The following PTPRT variants were observed in gnomAD, a reference collection of about 807,000 sequenced individuals.
PTPRT encodes receptor-type tyrosine-protein phosphatase T.
A neutral mutation model predicts 176.8 loss-of-function variants in PTPRT; 56 were observed. That is an observed-to-expected ratio of 0.32 (90% CI 0.26 to 0.40). The LOEUF (loss-of-function observed/expected upper bound fraction) is 0.40. PTPRT is among the 10% of genes least tolerant of loss of function. The pLI, the probability that PTPRT is intolerant of heterozygous loss-of-function variation, is 1.00. For synonymous variants in PTPRT, 783 were observed against 739.0 expected, an observed-to-expected ratio of 1.06 and a Z score of -0.96; for missense variants, 1,540 against 1,908.2, an observed-to-expected ratio of 0.81 and a Z score of 3.60.
In PTPRT at chr20:42,349,311, C is replaced by T. The variant is rs113821730; in HGVS notation, c.1865+1317G>A. ...TAAAGCAACAACCGCCCTGGTTGCT[C>T]CCTGTTATAGCATGCTGTCTCTCTC... On this transcript the variant is annotated intron_variant, in intron 11 of 30. Transcript: ENST00000373187. Among the ~76,000 whole-genome samples, 1,136 of 152,272 alleles carry T rather than the reference C, an allele frequency of 7.5e-3. 6 individuals are homozygous for T. Among genetic ancestry groups the T allele is most frequent in the African/African-American group, 0.025 (1,046 of 41,540 alleles).
intron 1 of PTPRT, among the ~76,000 whole-genome samples, chr20:42,986,456 C>T (rs778102277): frequency 6.6e-5 from 10 of 152,126 alleles, no homozygotes; most frequent in Non-Finnish European, 1.2e-4. Flanking sequence ...CCTGAGTCAC[C>T]CACTCCCCTC....
chr20:42,276,427 T>C (rs2057030599), intron 13 of PTPRT, among the ~76,000 whole-genome samples: 1 of 142,006 alleles, frequency 7.0e-6, no homozygotes, highest in African/African-American at 2.6e-5. Context: ...AGAGAGAGGA[T>C]CTGTGCTTAG....
At chr20:43,106,343 C>A (rs1210985333) in intron 1 of PTPRT, among the ~76,000 whole-genome samples, 1 of 152,086 alleles carries the variant, frequency 6.6e-6, no homozygotes, top group East Asian at 1.9e-4. Context: ...CTCCTCCATC[C>A]AGTTTTCTTC....
Position 42,074,897 on chromosome 20 carries a change from C to T in PTPRT, c.*5982G>A, listed in dbSNP as rs952975947. 6 of 398,470 alleles carry T rather than the reference C, an allele frequency of 1.5e-5. No individual in the cohort carries two copies. The highest frequency in any genetic ancestry group is 1.0e-4 in the African/African-American group (5 of 48,632). 24.7% of individuals were successfully genotyped at this position (398,470 alleles called of 1,614,324 possible). On this transcript the variant is annotated 3_prime_UTR_variant, in exon 31 of 31. Transcript: ENST00000373187. ...GTTACTAAAAAACTAGAAGAGTCTG[C>T]TCATGTGCACAAATATGGCTTAGAT...
At chr20:42,561,676 T>C (rs1407534868) in intron 7 of PTPRT, among the ~76,000 whole-genome samples, 2 of 152,220 alleles carry the variant, frequency 1.3e-5, no homozygotes, top group African/African-American at 4.8e-5. Context: ...TTGGTCATGC[T>C]GCTTGCCTTT....
intron 16 of PTPRT, among the ~76,000 whole-genome samples, chr20:42,187,658 T>C (rs1377105451): frequency 6.6e-6 from 1 of 152,230 alleles, no homozygotes; most frequent in Non-Finnish European, 1.5e-5. Context: ...CTACTTTGAA[T>C]GTAGAGATCC....
In PTPRT at chr20:42,514,643, AAG is replaced by A. The variant is rs1491118550; in HGVS notation, c.1154-42083_1154-42082del. 7.9e-3 allele frequency among the ~76,000 whole-genome samples: 1,197 copies of A among 152,284 alleles called. 11 individuals carry two copies. Among genetic ancestry groups the A allele is most frequent in the Middle Eastern group, 0.014 (4 of 294 alleles). The stretch of plus-strand genomic sequence containing the variant: ...CATTACTATTTGTATAATCTTTAAG[AAG>A]ACTCTACCTCACAGTCAAAAAGTAT... On this transcript the variant is annotated intron_variant, in intron 7 of 30. Coordinates refer to ENST00000373187, the MANE Select transcript of PTPRT (RefSeq NM_007050.6).
rs141838767 is a variant in PTPRT, at chr20:42,722,857, T to A, written c.859+33605A>T. ...ATCTATGTGCACAACACCCCAGAAA[T>A]GAGCTCATCGCATACCACATGTTCC... On this transcript the variant is annotated intron_variant, in intron 6 of 30. Transcript: ENST00000373187. Among the ~76,000 whole-genome samples the A allele has an allele frequency of 2.9e-3, 438 of 152,232 alleles. 4 individuals carry two copies. The highest frequency in any genetic ancestry group is 1.0e-2 in the African/African-American group (415 of 41,546).
chr20:42,748,101 AT>A (rs10710909), intron 6 of PTPRT, among the ~76,000 whole-genome samples: 23,693 of 152,096 alleles, frequency 0.16, 1,901 homozygotes, highest in East Asian at 0.21. Context: ...TCATTTGCAT[AT>A]TTTTTATGGC....
intron 2 of PTPRT, among the ~76,000 whole-genome samples, chr20:42,800,116 T>A (rs1197806942): frequency 6.6e-6 from 1 of 152,250 alleles, no homozygotes; most frequent in Non-Finnish European, 1.5e-5. Flanking sequence ...TTAATTCTTA[T>A]ATCAACCCTA....
At chr20:42,283,224 C>A (rs1044155199) in intron 12 of PTPRT, among the ~76,000 whole-genome samples, 6 of 152,132 alleles carry the variant, frequency 3.9e-5, no homozygotes, top group Non-Finnish European at 7.4e-5. Flanking sequence ...GAAGAGAATT[C>A]TCTGCCCGCT....
At chr20:42,637,446 C>A (rs150871173) in intron 7 of PTPRT, among the ~76,000 whole-genome samples, 1 of 152,160 alleles carries the variant, frequency 6.6e-6, no homozygotes, top group Admixed American at 6.5e-5. Flanking sequence ...TTGTTCCCCC[C>A]TCACATCCTT....
intron 9 of PTPRT, among the ~76,000 whole-genome samples, chr20:42,419,023 G>A (rs1056103210): frequency 6.6e-6 from 1 of 152,212 alleles, no homozygotes; most frequent in Non-Finnish European, 1.5e-5. Context: ...TATAATGAGT[G>A]TTGAAGAAAC....
At chr20:42,579,020 T>C (rs900917311) in intron 7 of PTPRT, among the ~76,000 whole-genome samples, 9 of 151,574 alleles carry the variant, frequency 5.9e-5, no homozygotes, top group Non-Finnish European at 1.3e-4. Flanking sequence ...AACTCGTCAT[T>C]TAACATTAGG....
chr20:42,879,817 C>T (rs913556358), intron 2 of PTPRT, among the ~76,000 whole-genome samples: 3 of 152,106 alleles, frequency 2.0e-5, no homozygotes, highest in African/African-American at 7.2e-5. Context: ...CCCAACTCCT[C>T]CTCCTTCCAA....
intron 9 of PTPRT, among the ~76,000 whole-genome samples, chr20:42,424,712 A>G (rs2059147718): frequency 1.3e-5 from 2 of 151,964 alleles, no homozygotes; most frequent in East Asian, 3.9e-4. Flanking sequence ...GCACTGTGAA[A>G]CAGACTTTGC....
At chr20:42,744,980 T>C (rs1237895755) in intron 6 of PTPRT, among the ~76,000 whole-genome samples, 1 of 152,222 alleles carries the variant, frequency 6.6e-6, no homozygotes, top group Non-Finnish European at 1.5e-5. Flanking sequence ...GCACATGTGC[T>C]TGGTGGGCAC....
chr20:42,548,432 G>A (rs1050654317), intron 7 of PTPRT, among the ~76,000 whole-genome samples: 1 of 152,038 alleles, frequency 6.6e-6, no homozygotes, highest in Non-Finnish European at 1.5e-5. Flanking sequence ...CAGATTTGTA[G>A]ATATGTTGGA....
intron 9 of PTPRT, among the ~76,000 whole-genome samples, chr20:42,443,616 CAGAG>C (rs1362214961): frequency 5.3e-5 from 8 of 152,100 alleles, no homozygotes; most frequent in Non-Finnish European, 1.0e-4. Context: ...TTTCAGTGGG[CAGAG>C]AGAGAGTTTG....
Sources: allele counts gnomAD v4.1 joint callset (sites outside exome capture counted in the v4.1 genomes callset), GRCh38; gene constraint gnomAD v4.1.1; transcripts MANE v1.5; gene names NCBI Gene and HGNC (gene_info 2026-07-23, HGNC 2026-07-21).